OSBP2: variants seen among roughly 807,000 people sequenced by gnomAD.
OSBP2 encodes oxysterol-binding protein 2.
Under a neutral mutation model 96.0 loss-of-function variants are expected in OSBP2, and 66 were observed. That is an observed-to-expected ratio of 0.69 (90% CI 0.56 to 0.84). The LOEUF (loss-of-function observed/expected upper bound fraction) is 0.84. OSBP2 is among the 40% of genes least tolerant of loss of function. The pLI is 0.00. For synonymous variants in OSBP2, 525 were observed against 520.9 expected (o/e 1.01, Z -0.11); for missense variants, 1,038 against 1,222.7 (o/e 0.85, Z 2.25).
intron 2 of OSBP2, among the ~76,000 whole-genome samples, chr22:30,771,578 C>T (rs917587051): frequency 6.6e-6 from 1 of 152,208 alleles, no homozygotes. Flanking sequence ...CTGTACTTCT[C>T]TGTAGGGGCC....
intron 1 of OSBP2, among the ~76,000 whole-genome samples, chr22:30,699,004 C>G (rs183958921): frequency 9.2e-5 from 14 of 152,048 alleles, no homozygotes; most frequent in Admixed American, 7.9e-4. Flanking sequence ...CACAGTGGCA[C>G]GATCTTGGCT....
intron 6 of OSBP2, 90 bp downstream of exon 6, chr22:30,889,324 G>C: frequency 6.9e-7 from 1 of 1,456,196 alleles, no homozygotes; most frequent in Non-Finnish European, 9.5e-7. Flanking sequence ...CTGGGGGCCA[G>C]CAGGCAGGCC....
chr22:30,706,039 C>A (rs2089247875), intron 1 of OSBP2, among the ~76,000 whole-genome samples: 1 of 152,148 alleles, frequency 6.6e-6, no homozygotes, highest in African/African-American at 2.4e-5. Context: ...TTCCCTAGAA[C>A]AAGATCAGTA....
chr22:30,717,090 T>TTTTTTTTTGTGTG (rs71328866), intron 1 of OSBP2, among the ~76,000 whole-genome samples: 3 of 118,320 alleles, frequency 2.5e-5, no homozygotes, highest in African/African-American at 9.5e-5. Context: ...TTTACTGTTT[T>TTTTTTTTTGTGTG]TGTGTGTGTG....
At chr22:30,896,451 G>A (rs1602436443) in intron 12 of OSBP2, among the ~76,000 whole-genome samples, 1 of 152,306 alleles carries the variant, frequency 6.6e-6, no homozygotes, top group East Asian at 1.9e-4. Context: ...TCTGAGGGAT[G>A]TGAAGAAATG....
At chr22:30,869,428 T>C (rs1283220248) in intron 2 of OSBP2, among the ~76,000 whole-genome samples, 1 of 152,268 alleles carries the variant, frequency 6.6e-6, no homozygotes. Context: ...TCAGTGAGAA[T>C]GGCTGTGTTC....
At chr22:30,826,426 G>T (rs1162444539) in intron 2 of OSBP2, among the ~76,000 whole-genome samples, 1 of 152,120 alleles carries the variant, frequency 6.6e-6, no homozygotes, top group Non-Finnish European at 1.5e-5. Flanking sequence ...TGCCTACTTG[G>T]CCCAATCTCC....
chr22:30,755,862 T>C (rs946832028), intron 2 of OSBP2, among the ~76,000 whole-genome samples: 14 of 152,158 alleles, frequency 9.2e-5, no homozygotes, highest in Non-Finnish European at 2.1e-4. Context: ...TCTGCTAGGA[T>C]TGCACCCCAC....
At chr22:30,767,642 C>T (rs1378039673) in intron 2 of OSBP2, among the ~76,000 whole-genome samples, 1 of 151,876 alleles carries the variant, frequency 6.6e-6, no homozygotes, top group African/African-American at 2.4e-5. Context: ...CCAGTCCTCT[C>T]CCTGTCTTAG....
At position 30,714,231 on chromosome 22, in the gene OSBP2, C is replaced by T. The variant is rs540801904; in HGVS notation, c.644+18678C>T. Among the ~76,000 whole-genome samples the T allele has an allele frequency of 5.3e-5, 8 of 152,260 alleles. No homozygotes were observed. In the South Asian group the frequency reaches 1.5e-3, roughly 28 times the overall value. ...TGGGCTCATGCATGTTGTGCACATA[C>T]AAGATTTCATTCTTTTTTAATGGCT... On this transcript the variant is annotated intron_variant, in intron 1 of 13. Coordinates refer to ENST00000332585, the MANE Select transcript of OSBP2 (RefSeq NM_030758.4).
At chr22:30,730,799 TATATATATA>T (rs1569100628) in intron 1 of OSBP2, among the ~76,000 whole-genome samples, 6 of 56,646 alleles carry the variant, frequency 1.1e-4, no homozygotes, top group African/African-American at 1.8e-4. Context: ...TATATATATA[TATATATATA>T]ATTTTTTTTT....
intron 1 of OSBP2, among the ~76,000 whole-genome samples, chr22:30,735,518 C>T (rs1409112050): frequency 4.0e-5 from 6 of 148,200 alleles, no homozygotes; most frequent in Non-Finnish European, 7.4e-5. Context: ...CACCATGTTG[C>T]CGAGACTGGT....
At chr22:30,759,867 C>CT (rs951391372) in intron 2 of OSBP2, among the ~76,000 whole-genome samples, 38 of 148,804 alleles carry the variant, frequency 2.6e-4, no homozygotes, top group South Asian at 4.3e-4. Context: ...TTTTTCTTTT[C>CT]TTTTTTTTTT....
rs181374886 is a variant in OSBP2 at position 30,748,945 on chromosome 22, G to A, written c.853+7576G>A. On this transcript the variant is annotated intron_variant, in intron 2 of 13. Transcript: ENST00000332585. ...AGCGTGGCCAACATGGTGAAACCCCGTCTGTAATAAAAATACAAAAATTAG... is the reference window on the plus strand; with the variant it reads ...AGCGTGGCCAACATGGTGAAACCCCATCTGTAATAAAAATACAAAAATTAG... Among the ~76,000 whole-genome samples, 987 of 152,232 alleles carry A rather than the reference G, an allele frequency of 6.5e-3. 10 individuals are homozygous for A. The highest frequency in any genetic ancestry group is 0.022 in the African/African-American group (933 of 41,522).
intron 2 of OSBP2, among the ~76,000 whole-genome samples, chr22:30,861,338 G>C (rs2039206088): frequency 6.6e-6 from 1 of 152,180 alleles, no homozygotes; most frequent in Non-Finnish European, 1.5e-5. Context: ...AGGTGTCCCT[G>C]GTAGGGCGGA....
At chr22:30,728,840 A>G (rs1472644640) in intron 1 of OSBP2, among the ~76,000 whole-genome samples, 3 of 152,324 alleles carry the variant, frequency 2.0e-5, no homozygotes, top group Middle Eastern at 3.4e-3. Context: ...TTGCTGTATT[A>G]TATTCCCCCA....
chr22:30,893,017 GAGCTGTGCCTGCTGAGGCAGGGCA>G, intron 8 of OSBP2, 81 bp from the exon 9 acceptor site: 1 of 1,456,352 alleles, frequency 6.9e-7, no homozygotes, highest in Non-Finnish European at 9.4e-7. Flanking sequence ...TATGGCCACA[GAGCTGTGCCTGCTGAGGCAGGGCA>G]AGCTGTCCCT....
intron 1 of OSBP2, among the ~76,000 whole-genome samples, chr22:30,704,947 A>G (rs1239381144): frequency 6.6e-6 from 1 of 152,130 alleles, no homozygotes; most frequent in Admixed American, 6.6e-5. Context: ...ACAGGTGTGA[A>G]CTCATTCCTC....
intron 1 of OSBP2, among the ~76,000 whole-genome samples, chr22:30,730,768 C>CT (rs2089751466): frequency 3.1e-5 from 1 of 32,554 alleles, no homozygotes; most frequent in Non-Finnish European, 5.7e-5. Flanking sequence ...CTCTCTCTCT[C>CT]TCTCTCTATA....
Sources: allele counts gnomAD v4.1 joint callset (sites outside exome capture counted in the v4.1 genomes callset), GRCh38; gene constraint gnomAD v4.1.1; transcripts MANE v1.5; gene names NCBI Gene and HGNC (gene_info 2026-07-23, HGNC 2026-07-21).